AGBL1: variants seen among roughly 807,000 people sequenced by gnomAD.
AGBL1 encodes the protein cytosolic carboxypeptidase 4.
AGBL1 carries 130 observed loss-of-function variants against 118.9 expected under a neutral mutation model. The ratio of observed to expected loss-of-function variants is 1.09; its 90% CI spans 0.95 to 1.26. The LOEUF is 1.26. AGBL1 is among the 50% of genes most tolerant of loss of function. The probability of loss-of-function intolerance (pLI) is 0.00; values close to 1 mark genes in which losing one functional copy is unlikely to be tolerated. For missense variants in AGBL1, 1,584 were observed against 1,298.1 expected (o/e 1.22, Z -3.38); for synonymous variants, 555 against 478.9 (o/e 1.16, Z -2.08).
intron 6 of AGBL1, among the ~76,000 whole-genome samples, chr15:86,245,405 G>T (rs1243183034): frequency 6.6e-6 from 1 of 152,168 alleles, no homozygotes; most frequent in African/African-American, 2.4e-5. Flanking sequence ...GAGAGATGCG[G>T]TAGTGAGAGA....
chr15:86,580,752 A>C (rs888096901), intron 21 of AGBL1, among the ~76,000 whole-genome samples: 28 of 151,862 alleles, frequency 1.8e-4, no homozygotes, highest in African/African-American at 5.8e-4. Flanking sequence ...ATATACAAGA[A>C]ATTTTTGTTA....
At chr15:86,788,581 C>A (rs1384809223) in intron 22 of AGBL1, among the ~76,000 whole-genome samples, 1 of 152,046 alleles carries the variant, frequency 6.6e-6, no homozygotes, top group Admixed American at 6.6e-5. Context: ...CCTCCTGGAG[C>A]ATATATTTTA....
intron 13 of AGBL1, among the ~76,000 whole-genome samples, chr15:86,268,201 G>A (rs77179430): frequency 4.6e-4 from 70 of 152,188 alleles, no homozygotes; most frequent in African/African-American, 1.7e-3. Context: ...TCCTCTTTGG[G>A]GGAGGTGAAG....
chr15:86,789,067 A>G (rs1220012851), intron 22 of AGBL1, among the ~76,000 whole-genome samples: 1 of 152,206 alleles, frequency 6.6e-6, no homozygotes, highest in Non-Finnish European at 1.5e-5. Flanking sequence ...GCTAGAGGAA[A>G]TAACATGTGC....
At chr15:86,617,971 A>G (rs2084754423) in intron 21 of AGBL1, among the ~76,000 whole-genome samples, 1 of 152,194 alleles carries the variant, frequency 6.6e-6, no homozygotes, top group African/African-American at 2.4e-5. Flanking sequence ...TATGGGTAAA[A>G]TATTTAATCA....
intron 22 of AGBL1, among the ~76,000 whole-genome samples, chr15:86,708,074 T>C (rs1315565333): frequency 6.6e-6 from 1 of 152,152 alleles, no homozygotes; most frequent in Non-Finnish European, 1.5e-5. Context: ...CCATTCTTAA[T>C]ATTTTTCATC....
intron 17 of AGBL1, among the ~76,000 whole-genome samples, chr15:86,337,538 G>T (rs867191290): frequency 1.3e-5 from 2 of 152,194 alleles, no homozygotes; most frequent in African/African-American, 4.8e-5. Flanking sequence ...AAAAAGGAAT[G>T]AGATCATATC....
intron 1 of AGBL1, chr15:86,086,435 T>C (rs1348575322): frequency 1.3e-5 from 2 of 152,176 alleles, no homozygotes; most frequent in South Asian, 2.1e-4. Flanking sequence ...AAATACTGCA[T>C]GGTTCCTTCA....
chr15:86,797,663 GA>G (rs888556533), intron 22 of AGBL1, among the ~76,000 whole-genome samples: 2 of 152,046 alleles, frequency 1.3e-5, no homozygotes, highest in South Asian at 2.1e-4. Context: ...GTGTCTGCAG[GA>G]AAAAAAGGTA....
intron 23 of AGBL1, among the ~76,000 whole-genome samples, chr15:86,979,988 T>A (rs1463074876): frequency 1.3e-5 from 2 of 152,306 alleles, no homozygotes; most frequent in Non-Finnish European, 2.9e-5. Flanking sequence ...CACTTTCTTT[T>A]CCCTTCCTCT....
At chr15:86,938,392 C>T (rs1295086388) in intron 23 of AGBL1, among the ~76,000 whole-genome samples, 1 of 152,222 alleles carries the variant, frequency 6.6e-6, no homozygotes, top group East Asian at 1.9e-4. Flanking sequence ...AAACTTTTGA[C>T]CTAATTTGGT....
intron 22 of AGBL1, among the ~76,000 whole-genome samples, chr15:86,832,619 AG>A (rs1209321898): frequency 6.6e-6 from 1 of 152,172 alleles, no homozygotes; most frequent in Non-Finnish European, 1.5e-5. Flanking sequence ...GTTTCCAAAA[AG>A]TTCCTCATCT....
chr15:86,187,300 G>A (rs1187491088), intron 5 of AGBL1, among the ~76,000 whole-genome samples: 5 of 152,174 alleles, frequency 3.3e-5, no homozygotes, highest in African/African-American at 4.8e-5. Context: ...GAATTCTAAT[G>A]AAATTCCAAA....
chr15:86,252,218 A>G (rs2078828044), intron 7 of AGBL1, among the ~76,000 whole-genome samples: 1 of 152,162 alleles, frequency 6.6e-6, no homozygotes, highest in African/African-American at 2.4e-5. Context: ...AGTTGCCACC[A>G]TTTGCTCAGA....
chr15:86,895,980 A>G (rs1043885504), intron 22 of AGBL1, among the ~76,000 whole-genome samples: 1 of 151,994 alleles, frequency 6.6e-6, no homozygotes, highest in African/African-American at 2.4e-5. Flanking sequence ...TCTCTTACCC[A>G]TTTACCCTAA....
At chr15:86,748,199 T>C (rs2077787084) in intron 22 of AGBL1, among the ~76,000 whole-genome samples, 1 of 152,164 alleles carries the variant, frequency 6.6e-6, no homozygotes, top group Admixed American at 6.5e-5. Context: ...TATCTCATTG[T>C]GATTTTGATT....
chr15:86,103,096 A>G (rs560776363), intron 1 of AGBL1, among the ~76,000 whole-genome samples: 1 of 152,196 alleles, frequency 6.6e-6, no homozygotes, highest in East Asian at 1.9e-4. Context: ...CTATTGTTGA[A>G]GTATTTTTTA....
At chr15:86,472,005 G>T (rs2082485632) in intron 18 of AGBL1, among the ~76,000 whole-genome samples, 1 of 152,160 alleles carries the variant, frequency 6.6e-6, no homozygotes, top group African/African-American at 2.4e-5. Context: ...AAAGAAGAAG[G>T]TCATGTGAAG....
intron 19 of AGBL1, among the ~76,000 whole-genome samples, chr15:86,538,003 T>G (rs1379416228): frequency 6.6e-6 from 1 of 152,238 alleles, no homozygotes; most frequent in African/African-American, 2.4e-5. Flanking sequence ...TCATTGTAAC[T>G]GAAATATTTT....
Sources: gnomAD v4.1 joint callset for allele counts (sites outside exome capture counted in the v4.1 genomes callset) on GRCh38, gnomAD v4.1.1 for gene constraint, MANE v1.5 for transcripts, NCBI Gene and HGNC (gene_info 2026-07-23, HGNC 2026-07-21) for gene names.